WWOX: variants seen among roughly 807,000 people sequenced by gnomAD.
WWOX encodes the protein WW domain-containing oxidoreductase.
Under a neutral mutation model 46.2 loss-of-function variants are expected in WWOX, and 69 were observed. The ratio of observed to expected loss-of-function variants is 1.49; its 90% CI spans 1.23 to 1.82. The LOEUF is 1.82. WWOX is among the 40% of genes most tolerant of loss of function. The probability of loss-of-function intolerance (pLI) is 0.00; values close to 1 mark genes in which losing one functional copy is unlikely to be tolerated. For synonymous variants in WWOX, 359 were observed against 202.6 expected (o/e 1.77, Z -6.56); for missense variants, 919 against 542.6 (o/e 1.69, Z -6.89).
intron 6 of WWOX, among the ~76,000 whole-genome samples, chr16:78,399,052 T>C (rs547894788): frequency 1.4e-5 from 2 of 138,654 alleles, no homozygotes; most frequent in African/African-American, 5.9e-5. Context: ...CAGGTAAGTA[T>C]AAGGAAGGGG....
At position 78,923,988 on chromosome 16, in the gene WWOX, G is replaced by A. The variant is rs183498625; in HGVS notation, c.1057-287620G>A. On this transcript the variant is annotated intron_variant, in intron 8 of 8. Coordinates refer to ENST00000566780, the MANE Select transcript of WWOX (RefSeq NM_016373.4). ...CTAATTTTTTGTTTTATTTTGTTTT[G>A]TTTTTTTTAGTAGAGACGGGGTTTC... Among the ~76,000 whole-genome samples the A allele has an allele frequency of 5.2e-3, 789 of 151,122 alleles. 3 individuals are homozygous for A. The highest frequency in any genetic ancestry group is 0.018 in the African/African-American group (760 of 41,232).
intron 5 of WWOX, among the ~76,000 whole-genome samples, chr16:78,293,018 C>G (rs1403764394): frequency 1.2e-4 from 18 of 152,192 alleles, no homozygotes. Flanking sequence ...GTCCTTTGCT[C>G]TTGGAGCATT....
At chr16:78,426,715 G>C (rs943795229) in intron 7 of WWOX, among the ~76,000 whole-genome samples, 1 of 152,188 alleles carries the variant, frequency 6.6e-6, no homozygotes, top group African/African-American at 2.4e-5. Flanking sequence ...CCAGGCTGCA[G>C]TGCAGTGGCA....
chr16:78,784,737 G>A (rs1234695639), intron 8 of WWOX, among the ~76,000 whole-genome samples: 1 of 152,174 alleles, frequency 6.6e-6, no homozygotes, highest in African/African-American at 2.4e-5. Flanking sequence ...TGGGGAGCCT[G>A]GTGGGCAGTC....
At chr16:78,145,438 G>C (rs1018773752) in intron 4 of WWOX, among the ~76,000 whole-genome samples, 1 of 152,104 alleles carries the variant, frequency 6.6e-6, no homozygotes, top group African/African-American at 2.4e-5. Context: ...CTTGGAGTCC[G>C]ATGTTCCAGG....
At chr16:79,078,147 C>G (rs528605510) in intron 8 of WWOX, 1 of 152,240 alleles carries the variant, frequency 6.6e-6, no homozygotes, top group South Asian at 2.1e-4. Flanking sequence ...AACTTGGGAG[C>G]CGATGGCCTT....
intron 8 of WWOX, among the ~76,000 whole-genome samples, chr16:78,473,519 C>T (rs192890703): frequency 1.3e-5 from 2 of 151,820 alleles, no homozygotes; most frequent in Admixed American, 1.3e-4. Context: ...ACCGACTGGC[C>T]CTCTCAGACA....
intron 8 of WWOX, among the ~76,000 whole-genome samples, chr16:79,001,862 G>C (rs1346990121): frequency 2.0e-5 from 3 of 152,102 alleles, no homozygotes; most frequent in Non-Finnish European, 2.9e-5. Flanking sequence ...TTTAGAAAAA[G>C]TTACAGAGCT....
At chr16:78,626,473 A>G (rs561666633) in intron 8 of WWOX, among the ~76,000 whole-genome samples, 1 of 152,228 alleles carries the variant, frequency 6.6e-6, no homozygotes, top group East Asian at 1.9e-4. Flanking sequence ...TCATGAGTTT[A>G]CTGGAGTTAA....
intron 8 of WWOX, among the ~76,000 whole-genome samples, chr16:78,620,073 A>T (rs957864846): frequency 2.0e-5 from 3 of 152,178 alleles, no homozygotes; most frequent in African/African-American, 7.2e-5. Context: ...ATCTCTAATT[A>T]ATAATGAGTT....
chr16:79,209,211 T>C (rs1370096887), intron 8 of WWOX, among the ~76,000 whole-genome samples: 1 of 152,194 alleles, frequency 6.6e-6, no homozygotes, highest in Admixed American at 6.5e-5. Context: ...ATGAAGCCAG[T>C]TGTAATTGCC....
chr16:78,732,178 A>C (rs980597664), intron 8 of WWOX, among the ~76,000 whole-genome samples: 1 of 152,022 alleles, frequency 6.6e-6, no homozygotes, highest in Non-Finnish European at 1.5e-5. Context: ...AATCTGGGCC[A>C]CCTTTACTGA....
chr16:78,493,586 T>G (rs2084839036), intron 8 of WWOX, among the ~76,000 whole-genome samples: 1 of 152,210 alleles, frequency 6.6e-6, no homozygotes, highest in Non-Finnish European at 1.5e-5. Flanking sequence ...TTTTACAAGT[T>G]CTGATTAATG....
At chr16:78,754,681 G>A (rs1318552927) in intron 8 of WWOX, among the ~76,000 whole-genome samples, 1 of 152,116 alleles carries the variant, frequency 6.6e-6, no homozygotes. Flanking sequence ...ACAAATAAAG[G>A]CATGGCTTTG....
At chr16:79,079,552 G>C (rs907943673) in intron 8 of WWOX, among the ~76,000 whole-genome samples, 1 of 152,098 alleles carries the variant, frequency 6.6e-6, no homozygotes, top group African/African-American at 2.4e-5. Context: ...ACTTCCCCTA[G>C]TCACCTGGTG....
At chr16:78,479,190 C>T (rs760595768) in intron 8 of WWOX, among the ~76,000 whole-genome samples, 27 of 152,206 alleles carry the variant, frequency 1.8e-4, no homozygotes, top group Non-Finnish European at 3.2e-4. Flanking sequence ...TTAACATATT[C>T]TCCATCACTG....
intron 8 of WWOX, among the ~76,000 whole-genome samples, chr16:78,961,131 A>T (rs117489316): frequency 3.3e-5 from 5 of 152,314 alleles, no homozygotes; most frequent in Admixed American, 2.6e-4. Flanking sequence ...CAAGCCAAGC[A>T]TTCAATGGTT....
intron 8 of WWOX, among the ~76,000 whole-genome samples, chr16:78,990,942 C>A (rs1385575096): frequency 1.3e-5 from 2 of 152,224 alleles, no homozygotes; most frequent in African/African-American, 4.8e-5. Flanking sequence ...GAAAGAAGAA[C>A]CGACCTCCAG....
chr16:78,475,301 G>T, intron 8 of WWOX, among the ~76,000 whole-genome samples: 1 of 152,174 alleles, frequency 6.6e-6, no homozygotes, highest in South Asian at 2.1e-4. Context: ...GGACCTCCTT[G>T]TGCTGTTTTG....
Sources: allele counts gnomAD v4.1 joint callset (sites outside exome capture counted in the v4.1 genomes callset), GRCh38; gene constraint gnomAD v4.1.1; transcripts MANE v1.5; gene names NCBI Gene and HGNC (gene_info 2026-07-23, HGNC 2026-07-21).